TMIE: variants seen among roughly 807,000 people sequenced by gnomAD.
The protein encoded by TMIE is transmembrane inner ear, also known as transmembrane inner ear expressed protein.
In TMIE, 14 loss-of-function variants were observed where a neutral mutation model predicts 16.8. That is an observed-to-expected ratio of 0.83 (90% CI 0.55 to 1.30). The LOEUF (loss-of-function observed/expected upper bound fraction) is 1.30. Among genes scored for constraint, TMIE ranks in the 50% most tolerant of loss-of-function variants. The probability of loss-of-function intolerance (pLI) is 0.00; values close to 1 mark genes in which losing one functional copy is unlikely to be tolerated. For synonymous variants in TMIE, 75 were observed against 87.2 expected (o/e 0.86, Z 0.78); for missense variants, 204 against 205.9 (o/e 0.99, Z 0.06).
At chr3:46,708,674 C>G (rs960393594) in intron 2 of TMIE, among the ~76,000 whole-genome samples, 1 of 152,238 alleles carries the variant, frequency 6.6e-6, no homozygotes, top group Non-Finnish European at 1.5e-5. Flanking sequence ...ACATGCAGAG[C>G]CACGTCCTCT....
upstream of TMIE, among the ~76,000 whole-genome samples, chr3:46,700,748 G>C (rs140527990): frequency 6.6e-6 from 1 of 152,180 alleles, no homozygotes; most frequent in Non-Finnish European, 1.5e-5. Context: ...TTAGACTGAA[G>C]TCAGAGTCAG....
At chr3:46,706,183 C>G (rs973069093) in intron 2 of TMIE, among the ~76,000 whole-genome samples, 2 of 152,192 alleles carry the variant, frequency 1.3e-5, no homozygotes, top group Non-Finnish European at 2.9e-5. Context: ...AGGACTGGGA[C>G]GAGGACGTGT....
upstream of TMIE, among the ~76,000 whole-genome samples, chr3:46,699,650 C>T (rs1228918495): frequency 6.6e-6 from 1 of 152,202 alleles, no homozygotes; most frequent in Admixed American, 6.5e-5. Flanking sequence ...AGAGCAGTGG[C>T]CATCTCAGGG....
chr3:46,707,044 G>A (rs751178664), intron 2 of TMIE, among the ~76,000 whole-genome samples: 13 of 152,174 alleles, frequency 8.5e-5, no homozygotes, highest in Non-Finnish European at 1.8e-4. Flanking sequence ...GAAAATCCCC[G>A]CCCCCCATCT....
At chr3:46,709,071 T>C in intron 2 of TMIE, 55 bp from the exon 3 acceptor site, 1 of 1,611,734 alleles carries the variant, frequency 6.2e-7, no homozygotes, top group Non-Finnish European at 8.5e-7. Flanking sequence ...GCGGATGCCA[T>C]TCCTTGGGTC....
chr3:46,700,972 C>T (rs1700462380), upstream of TMIE, among the ~76,000 whole-genome samples: 1 of 151,966 alleles, frequency 6.6e-6, no homozygotes, highest in Non-Finnish European at 1.5e-5. Flanking sequence ...GGCAGGAAGC[C>T]AAGCCAGAAA....
At chr3:46,699,057 C>CTTTTTTTTTTT (rs1246748003), upstream of TMIE, among the ~76,000 whole-genome samples, 1 of 65,292 alleles carries the variant, frequency 1.5e-5, no homozygotes, top group African/African-American at 5.4e-5. Context: ...AATGGTGTTT[C>CTTTTTTTTTTT]TTATTTTTTT....
In TMIE at chr3:46,701,438, C is replaced by G; in HGVS notation, c.-50C>G. On this transcript the variant is annotated 5_prime_UTR_variant, in exon 1 of 4. Coordinates refer to ENST00000643606, the MANE Select transcript of TMIE (RefSeq NM_147196.3). The surrounding 1 kb of genome is among the most constrained non-coding windows in gnomAD (Gnocchi z 4.3). ...GCCGGCTGGCAGGGGCAGTGACCGG[C>G]GGCCGGCCCGTTCGTCCCTGGGCTC... The G allele has an allele frequency of 7.2e-7, 1 of 1,395,550 alleles. No individual in the cohort carries two copies. Among genetic ancestry groups the G allele is most frequent in the Admixed American group, 2.9e-5 (1 of 34,674 alleles). The allele number at this position is 1,395,550 out of a possible 1,614,324, so 86.4% of individuals were successfully genotyped here.
chr3:46,701,202 G>C, upstream of TMIE: 1 of 374,666 alleles, frequency 2.7e-6, no homozygotes, highest in Non-Finnish European at 4.8e-6. The surrounding 1 kb of genome is among the most constrained non-coding windows in gnomAD (Gnocchi z 4.3). Flanking sequence ...GCCCCAGCCT[G>C]TCCTCCCTCC....
At position 46,701,608 on chromosome 3, in the gene TMIE, G is replaced by T; in HGVS notation, c.93+28G>T. On this transcript the variant is annotated intron_variant, in intron 1 of 3. Coordinates refer to ENST00000643606, the MANE Select transcript of TMIE (RefSeq NM_147196.3). The surrounding 1 kb of genome is among the most constrained non-coding windows in gnomAD (Gnocchi z 4.3). The stretch of plus-strand genomic sequence containing the variant: ...GAGGCCGCGGCACGGAGGGACTGGG[G>T]AGGCTGTCACCCTCCAGGCAGGGGG... The T allele has an allele frequency of 7.8e-7, 1 of 1,275,490 alleles. No individual in the cohort carries two copies. Among genetic ancestry groups the T allele is most frequent in the Non-Finnish European group, 9.9e-7 (1 of 1,013,790 alleles). 79.0% of individuals were successfully genotyped at this position (1,275,490 alleles called of 1,614,324 possible). A position where few individuals can be genotyped will look rare whatever the true frequency, so the allele number is the denominator to read the frequency against.
At chr3:46,707,701 C>T (rs533091871) in intron 2 of TMIE, among the ~76,000 whole-genome samples, 3 of 152,180 alleles carry the variant, frequency 2.0e-5, no homozygotes, top group South Asian at 2.1e-4. Context: ...CCAGGCTGTG[C>T]GGGGCAGGCC....
intron 1 of TMIE, among the ~76,000 whole-genome samples, chr3:46,702,374 G>A (rs1005147352): frequency 6.6e-6 from 1 of 152,132 alleles, no homozygotes; most frequent in Non-Finnish European, 1.5e-5. Context: ...CCCTGGTGGA[G>A]AGCCTGGCTG....
In TMIE at chr3:46,701,476, G is replaced by A. The variant is rs775220401; in HGVS notation, c.-12G>A. 15 of 1,365,682 alleles carry A rather than the reference G, an allele frequency of 1.1e-5. No individual in the cohort carries two copies. The highest frequency in any genetic ancestry group is 1.3e-5 in the Non-Finnish European group (14 of 1,061,922). 84.6% of individuals were successfully genotyped at this position (1,365,682 alleles called of 1,614,324 possible). On this transcript the variant is annotated 5_prime_UTR_variant, in exon 1 of 4. Coordinates refer to ENST00000643606, the MANE Select transcript of TMIE (RefSeq NM_147196.3). The surrounding 1 kb of genome is among the most constrained non-coding windows in gnomAD (Gnocchi z 4.3). ...CGTCCCTGGGCTCCGCAAGCGGCGCGGTGGCACGAAGATGGCGGGGTGGCC... is the reference window on the plus strand; with the variant it reads ...CGTCCCTGGGCTCCGCAAGCGGCGCAGTGGCACGAAGATGGCGGGGTGGCC...
rs1206722646 is a variant in TMIE, at chr3:46,701,899, G to A, written c.93+319G>A. 6.6e-6 allele frequency among the ~76,000 whole-genome samples: 1 copy of A among 152,052 alleles called. No homozygotes were observed. The highest frequency in any genetic ancestry group is 1.9e-4 in the East Asian group (1 of 5,172). ...CACAGCCCTGCCCAGACTGATGGGG[G>A]ATACTGGGCCCCCATCCTCCAGCCT... is the stretch of plus-strand genomic sequence containing the variant. On this transcript the variant is annotated intron_variant, in intron 1 of 3. Transcript: ENST00000643606. The surrounding 1 kb of genome is among the most constrained non-coding windows in gnomAD (Gnocchi z 4.3).
rs563781524 is a variant in TMIE, at chr3:46,710,033, A to G, written c.*345A>G. 74 of 396,804 alleles carry G rather than the reference A, an allele frequency of 1.9e-4. No individual in the cohort carries two copies. Among genetic ancestry groups the G allele is most frequent in the African/African-American group, 1.5e-3 (73 of 48,396 alleles). The allele number at this position is 396,804 out of a possible 1,614,324, so 24.6% of individuals were successfully genotyped here. A position where few individuals can be genotyped will look rare whatever the true frequency, so the allele number is the denominator to read the frequency against. On this transcript the variant is annotated 3_prime_UTR_variant, in exon 4 of 4. Transcript: ENST00000643606. Reference sequence around the variant, plus strand: ...CCAGGGATGGCAGTGGCTGTGAAGGAGTAATGGGATATGGGGTTACTTCAG... The same window carrying G: ...CCAGGGATGGCAGTGGCTGTGAAGGGGTAATGGGATATGGGGTTACTTCAG...
rs1700530719 is a variant in TMIE, at chr3:46,704,850, A to C, written c.94-940A>C. On this transcript the variant is annotated intron_variant, in intron 1 of 3. Transcript: ENST00000643606. ...GGTGGACCATGTCCCCTAGACACCC[A>C]GGGTGGACCATGTCCCCTAGACACC... Among the ~76,000 whole-genome samples, 3 of 150,556 alleles carry C rather than the reference A, an allele frequency of 2.0e-5. No homozygotes were observed. The South Asian group carries it at 6.3e-4, about 32-fold the overall frequency.
chr3:46,694,787 A>G (rs1343375631), intron 1 of TMIE, among the ~76,000 whole-genome samples: 6 of 151,788 alleles, frequency 4.0e-5, no homozygotes, highest in African/African-American at 1.2e-4. Context: ...TTTGCCCCAC[A>G]TTGCTCTCCT....
In TMIE at chr3:46,710,109, CCA is replaced by C. The variant is rs1700603054; in HGVS notation, c.*425_*426del. The stretch of plus-strand genomic sequence containing the variant: ...GAAGTGCATGGGTCAGGGTGTGAGG[CCA>C]CACCCAGAGTAGCCATGAGGAGGCA... On this transcript the variant is annotated 3_prime_UTR_variant, in exon 4 of 4. Transcript: ENST00000643606. 1 of 300,538 alleles carries C rather than the reference CCA, an allele frequency of 3.3e-6. No homozygotes were observed. The highest frequency in any genetic ancestry group is 2.2e-5 in the African/African-American group (1 of 46,282). The allele number at this position is 300,538 out of a possible 1,614,324, so 18.6% of individuals were successfully genotyped here. A position where few individuals can be genotyped will look rare whatever the true frequency, so the allele number is the denominator to read the frequency against.
upstream of TMIE, among the ~76,000 whole-genome samples, chr3:46,699,057 C>CTTTT (rs1246748003): frequency 7.2e-4 from 47 of 65,282 alleles, 4 homozygotes; most frequent in African/African-American, 1.1e-3. Flanking sequence ...AATGGTGTTT[C>CTTTT]TTATTTTTTT....
Sources: gnomAD v4.1 joint callset for allele counts (sites outside exome capture counted in the v4.1 genomes callset) on GRCh38, gnomAD v4.1.1 for gene constraint, Gnocchi (gnomAD v3.1) non-coding constraint, MANE v1.5 for transcripts, NCBI Gene and HGNC (gene_info 2026-07-23, HGNC 2026-07-21) for gene names.